Variants in DDIAS observed in about 807,000 individuals in gnomAD.
The protein encoded by DDIAS is DNA damage induced apoptosis suppressor, also known as DNA damage-induced apoptosis suppressor protein.
DDIAS carries 14 observed loss-of-function variants against 15.7 expected under a neutral mutation model. That is an observed-to-expected ratio of 0.89 (90% confidence interval 0.59 to 1.39). DDIAS has a LOEUF of 1.39. Among genes scored for constraint, DDIAS ranks in the 40% most tolerant of loss-of-function variants. DDIAS has a pLI of 0.00. For missense variants in DDIAS, 1,035 were observed against 1,130.9 expected (o/e 0.92, Z 1.22); for synonymous variants, 355 against 395.9 (o/e 0.90, Z 1.23).
chr11:82,901,746 C>T lies in DDIAS; in HGVS notation c.-193C>T, dbSNP rs1381231518. 1.3e-5 allele frequency: 2 copies of T among 152,180 alleles called. No homozygotes were observed. Among genetic ancestry groups the T allele is most frequent in the African/African-American group, 2.4e-5 (1 of 41,432 alleles). 9.4% of individuals were successfully genotyped at this position (152,180 alleles called of 1,614,324 possible). A position where few individuals can be genotyped will look rare whatever the true frequency, so the allele number is the denominator to read the frequency against. On this transcript the variant is annotated 5_prime_UTR_variant, in exon 1 of 6. Coordinates refer to ENST00000533655, the MANE Select transcript of DDIAS (RefSeq NM_145018.4). ...GGACGCGGGAGATTCGATTGGAAGGCTGCCGGCGTGCTACTGAGTTCGGCC... is the reference window on the plus strand; with the variant it reads ...GGACGCGGGAGATTCGATTGGAAGGTTGCCGGCGTGCTACTGAGTTCGGCC...
intron 1 of DDIAS, among the ~76,000 whole-genome samples, chr11:82,906,203 A>G (rs1178081868): frequency 6.6e-6 from 1 of 152,192 alleles, no homozygotes; most frequent in Non-Finnish European, 1.5e-5. Context: ...AAACGATCTT[A>G]TTCTATTATT....
At chr11:82,920,041 A>G (rs1860714255) in intron 3 of DDIAS, among the ~76,000 whole-genome samples, 1 of 152,000 alleles carries the variant, frequency 6.6e-6, no homozygotes, top group Admixed American at 6.6e-5. Flanking sequence ...GTAATTTTTT[A>G]ATTCCCATTT....
At position 82,931,928 on chromosome 11, in the gene DDIAS, CTCA is replaced by C. The variant is rs1485560265; in HGVS notation, c.591_593del (p.Gln198del). The C allele has an allele frequency of 6.2e-7, 1 of 1,614,130 alleles. No homozygotes were observed. On this transcript the variant is annotated inframe_deletion, in exon 6 of 6. Transcript: ENST00000533655. ...AATTTCAGGAAACTTCAGTGTGACT[CTCA>C]GGCACCTAACAATCACTTACTTGCT... is the stretch of plus-strand genomic sequence containing the variant.
intron 3 of DDIAS, among the ~76,000 whole-genome samples, chr11:82,926,489 C>T (rs1158375168): frequency 2.6e-5 from 4 of 152,124 alleles, no homozygotes; most frequent in Non-Finnish European, 4.4e-5. Context: ...GAGTGTGAAA[C>T]CAAAAAGTTT....
At chr11:82,913,793 TC>T (rs1565244551) in intron 2 of DDIAS, 1 of 397,966 alleles carries the variant, frequency 2.5e-6, no homozygotes, top group Non-Finnish European at 4.9e-6. Context: ...AATGTTTGGG[TC>T]CAGAAGTCTT....
intron 3 of DDIAS, among the ~76,000 whole-genome samples, chr11:82,921,571 C>CTTTTTTTTTTTT (rs968751055): frequency 1.3e-5 from 1 of 78,132 alleles, no homozygotes; most frequent in Non-Finnish European, 2.4e-5. Flanking sequence ...TTCTTTCTTT[C>CTTTTTTTTTTTT]TTTTTTTTTT....
chr11:82,923,850 CATAT>C (rs1860805816), intron 3 of DDIAS, among the ~76,000 whole-genome samples: 2 of 152,194 alleles, frequency 1.3e-5, no homozygotes, highest in African/African-American at 4.8e-5. Flanking sequence ...TTCGGTCCTT[CATAT>C]GAAGCAGTAA....
chr11:82,905,122 C>T (rs928281224), intron 1 of DDIAS, among the ~76,000 whole-genome samples: 1 of 152,122 alleles, frequency 6.6e-6, no homozygotes, highest in Admixed American at 6.5e-5. Flanking sequence ...CACATGGACC[C>T]CACATATTTT....
At chr11:82,908,497 A>C (rs1860471284) in intron 1 of DDIAS, among the ~76,000 whole-genome samples, 1 of 152,244 alleles carries the variant, frequency 6.6e-6, no homozygotes, top group Admixed American at 6.5e-5. Context: ...TGGATTTTAG[A>C]ATGTGGAGGA....
intron 1 of DDIAS, among the ~76,000 whole-genome samples, chr11:82,902,394 TCCCC>T (rs1227291065): frequency 7.9e-6 from 1 of 126,208 alleles, no homozygotes; most frequent in East Asian, 2.3e-4. Context: ...AACCCCCCCC[TCCCC>T]CGCCGCCCCA....
chr11:82,923,815 T>TA (rs748099622), intron 3 of DDIAS, among the ~76,000 whole-genome samples: 3 of 151,230 alleles, frequency 2.0e-5, no homozygotes, highest in Non-Finnish European at 4.4e-5. Context: ...CATACATCTA[T>TA]AAAAAAAAAT....
At chr11:82,930,058 G>T in intron 4 of DDIAS, 99 bp from the exon 5 acceptor site, 3 of 686,894 alleles carry the variant, frequency 4.4e-6, no homozygotes, top group South Asian at 4.0e-5. Flanking sequence ...TCTATAAAAG[G>T]TTCATGCTGC....
chr11:82,924,730 G>A (rs547135231), intron 3 of DDIAS, among the ~76,000 whole-genome samples: 8 of 152,132 alleles, frequency 5.3e-5, no homozygotes, highest in East Asian at 3.9e-4. Flanking sequence ...TGGGAGGATC[G>A]CTTGAGCCTG....
At chr11:82,910,497 T>C (rs1390005987) in intron 1 of DDIAS, among the ~76,000 whole-genome samples, 1 of 151,958 alleles carries the variant, frequency 6.6e-6, no homozygotes, top group Non-Finnish European at 1.5e-5. Flanking sequence ...TCTCAAACTC[T>C]TGACCTCAGA....
intron 3 of DDIAS, among the ~76,000 whole-genome samples, chr11:82,920,141 A>G (rs1860715542): frequency 1.3e-5 from 2 of 151,564 alleles, no homozygotes; most frequent in East Asian, 3.9e-4. Context: ...GAATTTATCC[A>G]TCTCTTCTAG....
intron 3 of DDIAS, among the ~76,000 whole-genome samples, chr11:82,923,293 T>C (rs1429666841): frequency 6.6e-6 from 1 of 152,258 alleles, no homozygotes; most frequent in African/African-American, 2.4e-5. Flanking sequence ...TCTTTTCTAC[T>C]GTTGTTTTTG....
intron 1 of DDIAS, 133 bp from the exon 2 acceptor site, chr11:82,913,154 C>T (rs1860558916): frequency 6.6e-6 from 1 of 152,138 alleles, no homozygotes; most frequent in Non-Finnish European, 1.5e-5. Context: ...TTGCTTGAGA[C>T]AGGGTTGCTA....
At chr11:82,928,495 G>A (rs999125141) in intron 3 of DDIAS, among the ~76,000 whole-genome samples, 3 of 151,932 alleles carry the variant, frequency 2.0e-5, no homozygotes, top group Non-Finnish European at 2.9e-5. Flanking sequence ...CACCGCGCCC[G>A]GCCTTTTCGT....
At chr11:82,903,704 G>A (rs147932749) in intron 1 of DDIAS, among the ~76,000 whole-genome samples, 6 of 152,160 alleles carry the variant, frequency 3.9e-5, no homozygotes, top group African/African-American at 1.4e-4. Context: ...AAACAAGTAT[G>A]TGCCATTGGA....
Sources: allele counts gnomAD v4.1 joint callset (sites outside exome capture counted in the v4.1 genomes callset), GRCh38; gene constraint gnomAD v4.1.1; transcripts MANE v1.5; gene names NCBI Gene and HGNC (gene_info 2026-07-23, HGNC 2026-07-21).